GON4L: variants seen among roughly 807,000 people sequenced by gnomAD.
GON4L encodes gon-4 like.
Under a neutral mutation model 211.8 loss-of-function variants are expected in GON4L, and 87 were observed. The ratio of observed to expected loss-of-function variants is 0.41; its 90% CI spans 0.35 to 0.49. The LOEUF (loss-of-function observed/expected upper bound fraction) is 0.49, where lower values mean the gene tolerates loss of function less well. GON4L is among the 20% of genes least tolerant of loss of function. The probability of loss-of-function intolerance (pLI) is 0.15; values close to 1 mark genes in which losing one functional copy is unlikely to be tolerated. For missense variants in GON4L, 2,155 were observed against 2,659.5 expected, an observed-to-expected ratio of 0.81 and a Z score of 4.17; for synonymous variants, 875 against 962.6, an observed-to-expected ratio of 0.91 and a Z score of 1.68.
Position 155,776,422 on chromosome 1 carries a change from C to T in GON4L, c.2151G>A (p.Pro717=), listed in dbSNP as rs761671837. ...GAAATATCCTGGTGGTAGTGGCCTC[C>T]GGATTGAGGTTGGGGTTGCAGGTGG... ...LLATCNPNLN[P]EATTTRIFLK... Residue 717 remains proline, a synonymous_variant, in exon 16 of 32, where the codon CCG becomes CCA. Transcript: ENST00000368331. 6.2e-6 allele frequency: 10 copies of T among 1,612,002 alleles called. No individual in the cohort carries two copies. The highest frequency in any genetic ancestry group is 1.1e-5 in the South Asian group (1 of 91,042).
chr1:155,762,625 G>A (rs887172627), intron 22 of GON4L, among the ~76,000 whole-genome samples: 6 of 152,244 alleles, frequency 3.9e-5, no homozygotes, highest in African/African-American at 1.4e-4. Flanking sequence ...AGTCTAAAGA[G>A]CAAGTGTGGC....
intron 15 of GON4L, among the ~76,000 whole-genome samples, chr1:155,776,709 C>A (rs1320636237): frequency 6.6e-6 from 1 of 151,838 alleles, no homozygotes; most frequent in Non-Finnish European, 1.5e-5. Flanking sequence ...TGGCACCATG[C>A]CTGGCTAATT....
intron 14 of GON4L, among the ~76,000 whole-genome samples, chr1:155,781,904 G>A (rs1322912464): frequency 6.6e-6 from 1 of 152,024 alleles, no homozygotes; most frequent in East Asian, 1.9e-4. Context: ...TTACAGGCGT[G>A]TGCCACCACA....
At chr1:155,797,045 C>G (rs113821703) in intron 11 of GON4L, among the ~76,000 whole-genome samples, 19 of 152,130 alleles carry the variant, frequency 1.2e-4, no homozygotes, top group African/African-American at 4.6e-4. Flanking sequence ...TGAACACCCA[C>G]AGAGTATCTA....
downstream of GON4L, chr1:155,745,776 A>G: frequency 1.2e-6 from 1 of 814,666 alleles, no homozygotes; most frequent in Non-Finnish European, 1.9e-6. Context: ...CCAATCGGCT[A>G]GGAGCAGCGA....
intron 15 of GON4L, among the ~76,000 whole-genome samples, chr1:155,777,019 G>A (rs915224003): frequency 6.6e-6 from 1 of 152,106 alleles, no homozygotes; most frequent in Non-Finnish European, 1.5e-5. Flanking sequence ...GAGGGACTGA[G>A]GTTAGAAAAA....
At chr1:155,827,709 A>G (rs926966117) in intron 2 of GON4L, among the ~76,000 whole-genome samples, 4 of 143,582 alleles carry the variant, frequency 2.8e-5, no homozygotes, top group Non-Finnish European at 4.7e-5. Flanking sequence ...CAAAAAAAAA[A>G]GCCAGGTGCT....
At chr1:155,825,285 T>C (rs1669089982) in intron 3 of GON4L, among the ~76,000 whole-genome samples, 1 of 151,956 alleles carries the variant, frequency 6.6e-6, no homozygotes, top group African/African-American at 2.4e-5. Context: ...CATAAAACAA[T>C]GTTGAGGCCG....
At chr1:155,800,879 C>T (rs1368123834) in intron 11 of GON4L, among the ~76,000 whole-genome samples, 1 of 141,332 alleles carries the variant, frequency 7.1e-6, no homozygotes, top group African/African-American at 2.6e-5. Context: ...AAAGGTTTAA[C>T]TTACCGTGAA....
At chr1:155,770,356 A>G (rs948071893) in intron 19 of GON4L, among the ~76,000 whole-genome samples, 4 of 152,142 alleles carry the variant, frequency 2.6e-5, no homozygotes, top group African/African-American at 4.8e-5. Flanking sequence ...AAAGTGACAC[A>G]GCATCTCCAC....
chr1:155,748,746 C>T, downstream of GON4L: 2 of 1,614,124 alleles, frequency 1.2e-6, no homozygotes, highest in Middle Eastern at 1.7e-4. Flanking sequence ...TTGCTTTGCC[C>T]AGTCAGTGGT....
chr1:155,818,979 CAG>C (rs1668502609), intron 6 of GON4L, among the ~76,000 whole-genome samples: 1 of 145,950 alleles, frequency 6.9e-6, no homozygotes, highest in Non-Finnish European at 1.5e-5. Flanking sequence ...GCCTAGGTGA[CAG>C]AGTGAGACTC....
chr1:155,835,145 A>G (rs1670181779), intron 2 of GON4L, among the ~76,000 whole-genome samples: 1 of 152,172 alleles, frequency 6.6e-6, no homozygotes, highest in African/African-American at 2.4e-5. Context: ...AAAAATTCTT[A>G]TCCTGTTGAT....
intron 20 of GON4L, 117 bp from the exon 21 acceptor site, chr1:155,766,826 A>G: frequency 6.7e-7 from 1 of 1,500,372 alleles, no homozygotes; most frequent in Non-Finnish European, 9.1e-7. Context: ...TGGGCAGATC[A>G]CTTGAGGTCA....
At chr1:155,832,455 A>G (rs1173312451) in intron 2 of GON4L, among the ~76,000 whole-genome samples, 2 of 151,974 alleles carry the variant, frequency 1.3e-5, no homozygotes, top group Non-Finnish European at 2.9e-5. Context: ...CCTGACCAAC[A>G]TGGGGAAACC....
chr1:155,747,756 G>A (rs779604756), downstream of GON4L: 234 of 1,613,776 alleles, frequency 1.5e-4, no homozygotes, highest in East Asian at 4.7e-4. Flanking sequence ...ACTCACCCCC[G>A]CCCAGGGCTT....
intron 14 of GON4L, among the ~76,000 whole-genome samples, chr1:155,782,296 CATA>C (rs1664498157): frequency 6.6e-6 from 1 of 152,218 alleles, no homozygotes; most frequent in East Asian, 1.9e-4. Flanking sequence ...TCATGTGCCA[CATA>C]ATGTTTCAGT....
At chr1:155,788,097 T>C (rs1665144469) in intron 12 of GON4L, among the ~76,000 whole-genome samples, 1 of 152,192 alleles carries the variant, frequency 6.6e-6, no homozygotes, top group Non-Finnish European at 1.5e-5. Context: ...CTTCAAGCAA[T>C]TCTCATGCCT....
At chr1:155,794,472 G>A (rs923836632) in intron 12 of GON4L, among the ~76,000 whole-genome samples, 1 of 152,092 alleles carries the variant, frequency 6.6e-6, no homozygotes, top group Admixed American at 6.6e-5. Flanking sequence ...CACCACCAAA[G>A]TACTTAGTAT....
Sources: allele counts gnomAD v4.1 joint callset (sites outside exome capture counted in the v4.1 genomes callset), GRCh38; gene constraint gnomAD v4.1.1; transcripts MANE v1.5; gene names NCBI Gene and HGNC (gene_info 2026-07-23, HGNC 2026-07-21).